ASIC2: variants seen among roughly 807,000 people sequenced by gnomAD.
The protein encoded by ASIC2 is acid-sensing ion channel 2.
In ASIC2, 25 loss-of-function variants were observed where a neutral mutation model predicts 57.3. The ratio of observed to expected loss-of-function variants is 0.44; its 90% CI spans 0.32 to 0.61. The LOEUF (loss-of-function observed/expected upper bound fraction) is 0.61, where lower values mean the gene tolerates loss of function less well. ASIC2 is among the 20% of genes least tolerant of loss of function. ASIC2 has a pLI of 0.06. For synonymous variants in ASIC2, 319 were observed against 307.5 expected (o/e 1.04, Z -0.39); for missense variants, 641 against 738.1 (o/e 0.87, Z 1.52).
chr17:33,561,948 A>T (rs1300308154), intron 1 of ASIC2, among the ~76,000 whole-genome samples: 9 of 152,222 alleles, frequency 5.9e-5, no homozygotes, highest in Non-Finnish European at 1.0e-4. Flanking sequence ...GGATTTGAGT[A>T]TTCACATTCC....
chr17:33,579,314 G>C (rs868112807), intron 1 of ASIC2, among the ~76,000 whole-genome samples: 4 of 150,644 alleles, frequency 2.7e-5, no homozygotes, highest in Non-Finnish European at 4.4e-5. Flanking sequence ...ATGCAGGTGG[G>C]TGACTCAGAT....
intron 1 of ASIC2, among the ~76,000 whole-genome samples, chr17:33,995,874 AG>A (rs1906143398): frequency 6.6e-6 from 1 of 152,228 alleles, no homozygotes; most frequent in Admixed American, 6.5e-5. Context: ...ATATATATCC[AG>A]AAGTAGGATT....
intron 1 of ASIC2, among the ~76,000 whole-genome samples, chr17:33,432,419 G>A (rs1446086475): frequency 2.0e-5 from 3 of 152,188 alleles, no homozygotes; most frequent in African/African-American, 7.2e-5. Flanking sequence ...GGGAGACTCA[G>A]TGGGAGGATC....
At chr17:33,336,182 T>C (rs1038129535) in intron 1 of ASIC2, among the ~76,000 whole-genome samples, 3 of 151,964 alleles carry the variant, frequency 2.0e-5, no homozygotes, top group Admixed American at 6.6e-5. Flanking sequence ...ATTTCAAAAC[T>C]TTAAAAGGGG....
At chr17:33,144,124 C>G (rs1261371865) in intron 1 of ASIC2, among the ~76,000 whole-genome samples, 1 of 150,380 alleles carries the variant, frequency 6.6e-6, no homozygotes, top group Non-Finnish European at 1.5e-5. Flanking sequence ...CTGGGCCAAT[C>G]AGTTACTTTT....
At chr17:33,909,194 G>C (rs1274252011) in intron 1 of ASIC2, among the ~76,000 whole-genome samples, 1 of 152,198 alleles carries the variant, frequency 6.6e-6, no homozygotes, top group African/African-American at 2.4e-5. Context: ...CAGCAGTGGT[G>C]CCTGCGCTCT....
At chr17:33,040,078 T>C (rs1045873965) in intron 3 of ASIC2, among the ~76,000 whole-genome samples, 3 of 152,234 alleles carry the variant, frequency 2.0e-5, no homozygotes, top group Non-Finnish European at 4.4e-5. Context: ...TGTAACAAGA[T>C]GGAACATCTC....
At chr17:34,123,554 C>A (rs745888031) in intron 1 of ASIC2, among the ~76,000 whole-genome samples, 4 of 152,194 alleles carry the variant, frequency 2.6e-5, no homozygotes, top group Non-Finnish European at 5.9e-5. Flanking sequence ...GTCACCATGA[C>A]AGTGACAATG....
chr17:33,707,500 A>G (rs1269539143), intron 1 of ASIC2, among the ~76,000 whole-genome samples: 2 of 152,102 alleles, frequency 1.3e-5, no homozygotes, highest in East Asian at 3.9e-4. Context: ...CAAACTTTGT[A>G]TTTTGGCTTT....
At chr17:33,030,028 T>A (rs1461001528) in intron 3 of ASIC2, among the ~76,000 whole-genome samples, 1 of 152,224 alleles carries the variant, frequency 6.6e-6, no homozygotes, top group Non-Finnish European at 1.5e-5. Flanking sequence ...AAGTCCTTTG[T>A]CAGACACATG....
chr17:33,394,899 A>G (rs1433333271), intron 1 of ASIC2, among the ~76,000 whole-genome samples: 1 of 151,898 alleles, frequency 6.6e-6, no homozygotes, highest in Non-Finnish European at 1.5e-5. Context: ...CCATCTGCCT[A>G]TCCATCCTTT....
intron 1 of ASIC2, among the ~76,000 whole-genome samples, chr17:33,259,052 G>C (rs1282771996): frequency 6.6e-6 from 1 of 152,164 alleles, no homozygotes; most frequent in Non-Finnish European, 1.5e-5. Flanking sequence ...CTTTTGTCCT[G>C]GCATACTCAT....
chr17:33,740,752 C>T (rs971022100), intron 1 of ASIC2, among the ~76,000 whole-genome samples: 1 of 152,144 alleles, frequency 6.6e-6, no homozygotes, highest in Non-Finnish European at 1.5e-5. Context: ...TAAATTAACT[C>T]ACCAGTTCTC....
chr17:33,101,953 C>T (rs1304296078), intron 2 of ASIC2, among the ~76,000 whole-genome samples: 1 of 152,006 alleles, frequency 6.6e-6, no homozygotes, highest in Non-Finnish European at 1.5e-5. Context: ...TATGGCAGAG[C>T]TGTAAAATGC....
chr17:33,645,540 C>T (rs1470850510), intron 1 of ASIC2, among the ~76,000 whole-genome samples: 2 of 152,188 alleles, frequency 1.3e-5, no homozygotes, highest in South Asian at 2.1e-4. Flanking sequence ...TTCCACTTTT[C>T]CTGACCAGCT....
intron 3 of ASIC2, among the ~76,000 whole-genome samples, chr17:33,060,871 C>G (rs2092017895): frequency 6.6e-6 from 1 of 152,134 alleles, no homozygotes; most frequent in South Asian, 2.1e-4. Context: ...TGAAAAGGTC[C>G]TTCTCATCCC....
chr17:33,846,750 A>G (rs1913617291), intron 1 of ASIC2, among the ~76,000 whole-genome samples: 2 of 147,296 alleles, frequency 1.4e-5, no homozygotes, highest in South Asian at 2.1e-4. Context: ...TTTGAGACGG[A>G]GTCTTGCTCT....
chr17:33,123,016 A>G (rs1222609706), intron 1 of ASIC2, among the ~76,000 whole-genome samples: 1 of 152,242 alleles, frequency 6.6e-6, no homozygotes, highest in African/African-American at 2.4e-5. Context: ...ACGTAGAGAA[A>G]AGGGAACATG....
intron 1 of ASIC2, among the ~76,000 whole-genome samples, chr17:33,521,649 G>A (rs1307503679): frequency 6.6e-6 from 1 of 152,216 alleles, no homozygotes. Flanking sequence ...AGGGACTGTT[G>A]AGAATCTTCT....
Sources: allele counts gnomAD v4.1 joint callset (sites outside exome capture counted in the v4.1 genomes callset), GRCh38; gene constraint gnomAD v4.1.1; transcripts MANE v1.5; gene names NCBI Gene and HGNC (gene_info 2026-07-23, HGNC 2026-07-21).